Variants in PTPRG observed in about 807,000 individuals in gnomAD.
PTPRG encodes the protein protein tyrosine phosphatase receptor type G, also known as receptor-type tyrosine-protein phosphatase gamma.
PTPRG carries 102 observed loss-of-function variants against 165.3 expected under a neutral mutation model. The observed-to-expected ratio is 0.62, with a 90% CI of 0.53 to 0.73. The LOEUF is 0.73. PTPRG is among the 30% of genes least tolerant of loss of function. The probability of loss-of-function intolerance (pLI) is 0.00; values close to 1 mark genes in which losing one functional copy is unlikely to be tolerated. For synonymous variants in PTPRG, 675 were observed against 669.5 expected (o/e 1.01, Z -0.13); for missense variants, 1,866 against 1,861.4 (o/e 1.00, Z -0.05).
chr3:62,189,515 G>A (rs974468570), intron 8 of PTPRG, among the ~76,000 whole-genome samples: 5 of 152,108 alleles, frequency 3.3e-5, no homozygotes, highest in Admixed American at 6.5e-5. Context: ...CAGCACGCCC[G>A]CTTACTTCTT....
intron 4 of PTPRG, among the ~76,000 whole-genome samples, chr3:62,017,828 C>T (rs946375493): frequency 1.3e-5 from 2 of 152,164 alleles, no homozygotes; most frequent in Admixed American, 6.5e-5. Flanking sequence ...GTCAATGAGG[C>T]CCACGTTTTT....
intron 4 of PTPRG, among the ~76,000 whole-genome samples, chr3:62,018,475 T>G (rs1321037956): frequency 1.3e-5 from 2 of 151,392 alleles, no homozygotes; most frequent in Non-Finnish European, 1.5e-5. Flanking sequence ...ATTTGTAGGC[T>G]TCAGGGGTGT....
In PTPRG at chr3:62,039,801, C is replaced by T. The variant is rs140317558; in HGVS notation, c.519+36304C>T. Among the ~76,000 whole-genome samples, 936 of 150,836 alleles carry T rather than the reference C, an allele frequency of 6.2e-3. 9 individuals are homozygous for T. The highest frequency in any genetic ancestry group is 0.022 in the African/African-American group (881 of 40,768). On this transcript the variant is annotated intron_variant, in intron 4 of 29. Coordinates refer to ENST00000474889, the MANE Select transcript of PTPRG (RefSeq NM_002841.4). The stretch of plus-strand genomic sequence containing the variant: ...TGCCAGCACAGCTGTAAACACTTGG[C>T]GCCTTTGCTTTGTAACAGTTACAGC...
intron 2 of PTPRG, chr3:61,753,511 CA>C: frequency 7.4e-6 from 3 of 405,062 alleles, no homozygotes; most frequent in Non-Finnish European, 1.5e-5. Context: ...ACATGCTAGG[CA>C]GGTCATCAAT....
At chr3:62,132,197 A>T (rs146737385) in intron 5 of PTPRG, among the ~76,000 whole-genome samples, 1 of 152,342 alleles carries the variant, frequency 6.6e-6, no homozygotes, top group Non-Finnish European at 1.5e-5. Context: ...TCATTTTCTA[A>T]AAAGAAGGGA....
chr3:62,067,849 C>G (rs1004177553), intron 4 of PTPRG, among the ~76,000 whole-genome samples: 1 of 152,166 alleles, frequency 6.6e-6, no homozygotes, highest in Non-Finnish European at 1.5e-5. Context: ...ATGCCTATCA[C>G]CCCCTCAAAG....
At chr3:62,133,043 G>A (rs940399257) in intron 6 of PTPRG, among the ~76,000 whole-genome samples, 5 of 152,220 alleles carry the variant, frequency 3.3e-5, no homozygotes, top group Non-Finnish European at 5.9e-5. Context: ...ATCTAGGGCA[G>A]CATTTTAAGT....
intron 16 of PTPRG, among the ~76,000 whole-genome samples, chr3:62,260,050 A>C (rs1701647441): frequency 1.3e-5 from 2 of 152,164 alleles, no homozygotes. Flanking sequence ...CCTGAGCAGG[A>C]GAGAGTAGGG....
intron 2 of PTPRG, among the ~76,000 whole-genome samples, chr3:61,921,618 A>G (rs1401202281): frequency 6.6e-6 from 1 of 152,214 alleles, no homozygotes; most frequent in Non-Finnish European, 1.5e-5. Flanking sequence ...TTACCTTCAG[A>G]CTATATGCAT....
chr3:61,636,027 A>G (rs1352498444), intron 1 of PTPRG, among the ~76,000 whole-genome samples: 1 of 152,168 alleles, frequency 6.6e-6, no homozygotes, highest in Non-Finnish European at 1.5e-5. Flanking sequence ...TCACCACTTC[A>G]TGGTGACAAC....
At chr3:62,095,037 T>G (rs1020589199) in intron 5 of PTPRG, among the ~76,000 whole-genome samples, 1 of 152,240 alleles carries the variant, frequency 6.6e-6, no homozygotes, top group African/African-American at 2.4e-5. Context: ...TTATAAATGA[T>G]GAAATGTCGC....
intron 5 of PTPRG, among the ~76,000 whole-genome samples, chr3:62,107,904 C>T (rs375015543): frequency 3.7e-4 from 56 of 152,202 alleles, no homozygotes; most frequent in African/African-American, 1.3e-3. Flanking sequence ...ATGATAAATC[C>T]GTGGAAATCT....
At chr3:61,872,387 G>A (rs1240348539) in intron 2 of PTPRG, among the ~76,000 whole-genome samples, 2 of 152,148 alleles carry the variant, frequency 1.3e-5, no homozygotes, top group Admixed American at 6.5e-5. Context: ...GAGAAAGAAC[G>A]TTGGTTCTGG....
rs148599832 is a variant in PTPRG at position 62,064,869 on chromosome 3, T to C, written c.520-13294T>C. On this transcript the variant is annotated intron_variant, in intron 4 of 29. Transcript: ENST00000474889. Reference sequence around the variant, plus strand: ...TGCCTCGGCCTCCCGAGTAGCGTGATTACAGGCGCGTGCCACCACGCCAAG... The same window carrying C: ...TGCCTCGGCCTCCCGAGTAGCGTGACTACAGGCGCGTGCCACCACGCCAAG... Among the ~76,000 whole-genome samples, 1,509 of 151,964 alleles carry C rather than the reference T, an allele frequency of 9.9e-3. 17 individuals carry two copies. The highest frequency in any genetic ancestry group is 0.034 in the African/African-American group (1,424 of 41,450).
intron 5 of PTPRG, among the ~76,000 whole-genome samples, chr3:62,106,877 C>T (rs543854255): frequency 9.7e-4 from 148 of 152,268 alleles, no homozygotes; most frequent in South Asian, 7.1e-3. Flanking sequence ...TATCCAGTCT[C>T]CTTTCTAAGG....
intron 1 of PTPRG, among the ~76,000 whole-genome samples, chr3:61,712,254 A>G (rs563179526): frequency 1.4e-3 from 215 of 152,232 alleles, no homozygotes; most frequent in African/African-American, 5.0e-3. Flanking sequence ...TACAAATTTG[A>G]ATTATGTAAA....
chr3:62,287,910 G>C (rs1490895287), intron 28 of PTPRG, among the ~76,000 whole-genome samples: 1 of 151,934 alleles, frequency 6.6e-6, no homozygotes, highest in African/African-American at 2.4e-5. Context: ...ACCATACAAG[G>C]CTACATTCAT....
intron 8 of PTPRG, among the ~76,000 whole-genome samples, chr3:62,184,515 A>G (rs1705791296): frequency 6.6e-6 from 1 of 152,186 alleles, no homozygotes; most frequent in Non-Finnish European, 1.5e-5. Flanking sequence ...CCATATTTGA[A>G]GGTGATAAAG....
chr3:62,187,692 G>GTAC (rs1435841923), intron 8 of PTPRG, among the ~76,000 whole-genome samples: 1 of 152,144 alleles, frequency 6.6e-6, no homozygotes, highest in African/African-American at 2.4e-5. Flanking sequence ...GGCCCTCCTA[G>GTAC]TACTCTGCAA....
Sources: gnomAD v4.1 joint callset for allele counts (sites outside exome capture counted in the v4.1 genomes callset) on GRCh38, gnomAD v4.1.1 for gene constraint, MANE v1.5 for transcripts, NCBI Gene and HGNC (gene_info 2026-07-23, HGNC 2026-07-21) for gene names.